Variants in LRRC26 observed in about 807,000 individuals in gnomAD.
The protein encoded by LRRC26 is leucine rich repeat containing 26.
Under a neutral mutation model 15.3 loss-of-function variants are expected in LRRC26, and 17 were observed. The observed-to-expected ratio is 1.11, with a 90% CI of 0.76 to 1.66. LRRC26 has a LOEUF of 1.66. Ranked by LOEUF, LRRC26 falls within the 40% of genes most tolerant of loss-of-function variation. LRRC26 has a pLI of 0.00. For synonymous variants in LRRC26, 301 were observed against 272.1 expected, an observed-to-expected ratio of 1.11 and a Z score of -1.05; for missense variants, 573 against 501.0, an observed-to-expected ratio of 1.14 and a Z score of -1.37.
chr9:137,170,018 C>T lies in LRRC26; in HGVS notation c.-75G>A, dbSNP rs1048624859. On this transcript the variant is annotated 5_prime_UTR_variant, in exon 1 of 2. Transcript: ENST00000371542. ...GTGCGTCCCTGGAGCCCGTCGTCCG[C>T]GGAGCCCGTTCCTGCGGCGCCTGCA... 7.4e-7 allele frequency: 1 copy of T among 1,352,040 alleles called. No individual in the cohort carries two copies. The highest frequency in any genetic ancestry group is 9.4e-7 in the Non-Finnish European group (1 of 1,058,732). 83.8% of individuals were successfully genotyped at this position (1,352,040 alleles called of 1,614,324 possible). A position where few individuals can be genotyped will look rare whatever the true frequency, so the allele number is the denominator to read the frequency against.
chr9:137,169,910 G>A lies in LRRC26; in HGVS notation c.34C>T (p.Leu12=), dbSNP rs1426799937. 3 of 1,473,368 alleles carry A rather than the reference G, an allele frequency of 2.0e-6. No homozygotes were observed. Among genetic ancestry groups the A allele is most frequent in the Non-Finnish European group, 2.7e-6 (3 of 1,121,964 alleles). The allele number at this position is 1,473,368 out of a possible 1,614,324, so 91.3% of individuals were successfully genotyped here. ...GACAGCAGCAGCAACAGCAGCAGCA[G>A]CGGCCGAGGCCGCGACCAGGAAGGG... The part of the protein sequence containing the change: ...RGPSWSRPRP[L]LLLLLLLSPW... Residue 12 remains leucine (L), a synonymous_variant, in exon 1 of 2, where the codon CTG becomes TTG. Coordinates refer to ENST00000371542, the MANE Select transcript of LRRC26 (RefSeq NM_001013653.3).
Position 137,169,914 on chromosome 9 carries a change from C to T in LRRC26, c.30G>A (p.Arg10=). Residue 10 remains arginine, a synonymous_variant, in exon 1 of 2, where the codon CGG becomes CGA. Coordinates refer to ENST00000371542, the MANE Select transcript of LRRC26 (RefSeq NM_001013653.3). ...GCAGCAGCAACAGCAGCAGCAGCGG[C>T]CGAGGCCGCGACCAGGAAGGGCCCC... MRGPSWSRP[R]PLLLLLLLLS... 1 of 1,471,204 alleles carries T rather than the reference C, an allele frequency of 6.8e-7. No homozygotes were observed. Among genetic ancestry groups the T allele is most frequent in the Middle Eastern group, 2.3e-4 (1 of 4,410 alleles). 91.1% of individuals were successfully genotyped at this position (1,471,204 alleles called of 1,614,324 possible).
chr9:137,169,505 TGCGCAGCGC>T lies in LRRC26; in HGVS notation c.430_438del (p.Ala144_Arg146del), dbSNP rs771271756. 7.9e-6 allele frequency: 12 copies of T among 1,524,648 alleles called. No homozygotes were observed. The East Asian group carries it at 1.0e-4, about 13-fold the overall frequency. 94.4% of individuals were successfully genotyped at this position (1,524,648 alleles called of 1,614,324 possible). A position where few individuals can be genotyped will look rare whatever the true frequency, so the allele number is the denominator to read the frequency against. ...AGCCGGTTGCCGGCCAATGAGAGGT[TGCGCAGCGC>T]GCGCAGCGGCGCGAAAGTCCCTGGT... On this transcript the variant is annotated inframe_deletion, in exon 1 of 2. Transcript: ENST00000371542.
chr9:137,169,198 G>A lies in LRRC26; in HGVS notation c.674-13C>T. Reference sequence around the variant, plus strand: ...ACCGTCTCGGCCTCTGTGGGACACAGACAAAGGCGCGGCGTCAGGTGGCGG... The same window carrying A: ...ACCGTCTCGGCCTCTGTGGGACACAAACAAAGGCGCGGCGTCAGGTGGCGG... On this transcript the variant is annotated splice_polypyrimidine_tract_variant and intron_variant, in intron 1 of 1. Transcript: ENST00000371542. The A allele has an allele frequency of 7.0e-7, 1 of 1,431,364 alleles. No homozygotes were observed. Among genetic ancestry groups the A allele is most frequent in the Non-Finnish European group, 9.1e-7 (1 of 1,098,060 alleles). The allele number at this position is 1,431,364 out of a possible 1,614,324, so 88.7% of individuals were successfully genotyped here.
chr9:137,168,822 A>G lies in LRRC26; in HGVS notation c.*32T>C. ...TAAAGGGAGGGCAAAGGCATGGGGG[A>G]AGCTTCGAGCGCTCCAGGCGGCCGC... On this transcript the variant is annotated 3_prime_UTR_variant, in exon 2 of 2. Coordinates refer to ENST00000371542, the MANE Select transcript of LRRC26 (RefSeq NM_001013653.3). 8.1e-7 allele frequency: 1 copy of G among 1,227,452 alleles called. No homozygotes were observed. Among genetic ancestry groups the G allele is most frequent in the Non-Finnish European group, 1.0e-6 (1 of 985,548 alleles). 76.0% of individuals were successfully genotyped at this position (1,227,452 alleles called of 1,614,324 possible). A position where few individuals can be genotyped will look rare whatever the true frequency, so the allele number is the denominator to read the frequency against.
rs1461331059 is a variant in LRRC26 at position 137,169,012 on chromosome 9, GC to G, written c.846del (p.Leu283TrpfsTer?). On this transcript the variant is annotated frameshift_variant, in exon 2 of 2. Coordinates refer to ENST00000371542, the MANE Select transcript of LRRC26 (RefSeq NM_001013653.3). LOFTEE classifies it low-confidence loss of function (END_TRUNC). ...CGGCAGGCGGTGAGCCCAGAGCCCA[GC>G]GCCAGGCAGGAAGCCAGGCTGACGA... is the stretch of plus-strand genomic sequence containing the variant. ...SFLVSLASCL[A>X]LGSGLTACRA... 1 of 1,504,140 alleles carries G rather than the reference GC, an allele frequency of 6.6e-7. No individual in the cohort carries two copies. 93.2% of individuals were successfully genotyped at this position (1,504,140 alleles called of 1,614,324 possible).
rs748922894 is a variant in LRRC26, at chr9:137,169,442, G to A, written c.502C>T (p.Leu168=). The A allele has an allele frequency of 5.9e-6, 9 of 1,515,678 alleles. No homozygotes were observed. In the Admixed American group the frequency reaches 8.1e-5, roughly 14 times the overall value. 93.9% of individuals were successfully genotyped at this position (1,515,678 alleles called of 1,614,324 possible). ...TCCTGCAGGCTGAGTGAGCGCAGCA[G>A]CGGGAGCGCGCCTAGCGCCGCGGGC... ...LEPAALGALP[L]LRSLSLQDNE... Residue 168 remains leucine, a synonymous_variant, in exon 1 of 2, where the codon CTG becomes TTG. Transcript: ENST00000371542.
At position 137,169,572 on chromosome 9, in the gene LRRC26, C is replaced by G; in HGVS notation, c.372G>C (p.Leu124=). The change falls in exon 1 of 2, where the codon CTG becomes CTC. Residue 124 remains leucine (L), a synonymous_variant. Coordinates refer to ENST00000371542, the MANE Select transcript of LRRC26 (RefSeq NM_001013653.3). ...AFWGLGALQL[L]DLSANQLEAL... ...CTTCCAGCTGGTTGGCGCTCAGGTC[C>G]AGCAGCTGCAGCGCGCCCAGGCCCC... is the stretch of plus-strand genomic sequence containing the variant. 2 of 1,523,146 alleles carry G rather than the reference C, an allele frequency of 1.3e-6. No homozygotes were observed. The highest frequency in any genetic ancestry group is 1.8e-6 in the Non-Finnish European group (2 of 1,141,500). 94.4% of individuals were successfully genotyped at this position (1,523,146 alleles called of 1,614,324 possible).
rs753381967 is a variant in LRRC26, at chr9:137,169,789, C to T, written c.155G>A (p.Gly52Glu). The T allele has an allele frequency of 6.5e-6, 9 of 1,390,824 alleles. No homozygotes were observed. The highest frequency in any genetic ancestry group is 7.4e-6 in the Non-Finnish European group (8 of 1,083,882). 86.2% of individuals were successfully genotyped at this position (1,390,824 alleles called of 1,614,324 possible). A position where few individuals can be genotyped will look rare whatever the true frequency, so the allele number is the denominator to read the frequency against. ...DCPEVCTCVPGGLASCSALSL... is the reference protein window; with the variant it reads ...DCPEVCTCVPEGLASCSALSL... ...GAGTGCCGAGCAGCTGGCCAGGCCT[C>T]CCGGCACGCACGTGCACACCTCGGG... Residue 52 changes from glycine (G) to glutamate (E), a missense_variant, in exon 1 of 2, where the codon GGA becomes GAA. Gly to Glu is a moderately conservative substitution (Grantham distance 98). Coordinates refer to ENST00000371542, the MANE Select transcript of LRRC26 (RefSeq NM_001013653.3).
At position 137,169,876 on chromosome 9, in the gene LRRC26, G is replaced by A. The variant is rs1351015369; in HGVS notation, c.68C>T (p.Pro23Leu). The A allele has an allele frequency of 6.7e-7, 1 of 1,482,132 alleles. No homozygotes were observed. The highest frequency in any genetic ancestry group is 8.9e-7 in the Non-Finnish European group (1 of 1,125,748). 91.8% of individuals were successfully genotyped at this position (1,482,132 alleles called of 1,614,324 possible). The change falls in exon 1 of 2, where the codon CCT becomes CTT. Residue 23 changes from proline to leucine, a missense_variant. Physicochemically the swap from Pro to Leu is moderately conservative, Grantham distance 98. Transcript: ENST00000371542. The stretch of plus-strand genomic sequence containing the variant: ...CGTGGCCGACACCTGGGCCCAGACA[G>A]GCCAAGGCGACAGCAGCAGCAACAG... ...LLLLLLLSPWPVWAQVSATAS... is the reference protein window; with the variant it reads ...LLLLLLLSPWLVWAQVSATAS...
In LRRC26 at chr9:137,169,030, G is replaced by C; in HGVS notation, c.829C>G (p.Leu277Val). ...GAGCCCAGCGCCAGGCAGGAAGCCAGGCTGACGAGGAAGGAGGCCGGCCCG... is the reference window on the plus strand; with the variant it reads ...GAGCCCAGCGCCAGGCAGGAAGCCACGCTGACGAGGAAGGAGGCCGGCCCG... ...TLGPASFLVS[L>V]ASCLALGSGL... Residue 277 changes from leucine (L) to valine (V), a missense_variant, in exon 2 of 2, where the codon CTG becomes GTG. Physicochemically the swap from Leu to Val is conservative, Grantham distance 32. Coordinates refer to ENST00000371542, the MANE Select transcript of LRRC26 (RefSeq NM_001013653.3). 1 of 1,525,084 alleles carries C rather than the reference G, an allele frequency of 6.6e-7. No individual in the cohort carries two copies. The highest frequency in any genetic ancestry group is 8.7e-7 in the Non-Finnish European group (1 of 1,143,214). The allele number at this position is 1,525,084 out of a possible 1,614,324, so 94.5% of individuals were successfully genotyped here. A position where few individuals can be genotyped will look rare whatever the true frequency, so the allele number is the denominator to read the frequency against.
rs867722799 is a variant in LRRC26 at position 137,169,054 on chromosome 9, C to T, written c.805G>A (p.Gly269Arg). The T allele has an allele frequency of 1.3e-6, 2 of 1,548,660 alleles. No homozygotes were observed. Among genetic ancestry groups the T allele is most frequent in the South Asian group, 2.4e-5 (2 of 83,754 alleles). The change falls in exon 2 of 2, where the codon GGG becomes AGG. Residue 269 changes from glycine to arginine, a missense_variant. Physicochemically the swap from Gly to Arg is moderately radical, Grantham distance 125. Transcript: ENST00000371542. ...LRDLAVVYTLGPASFLVSLAS... is the reference protein window; with the variant it reads ...LRDLAVVYTLRPASFLVSLAS... ...AGGCTGACGAGGAAGGAGGCCGGCC[C>T]GAGCGTGTAAACCACGGCCAGGTCC...
rs1588750062 is a variant in LRRC26, at chr9:137,169,827, G to A, written c.117C>T (p.Gly39=). The change falls in exon 1 of 2, where the codon GGC becomes GGT. Residue 39 remains glycine (G), a synonymous_variant. Coordinates refer to ENST00000371542, the MANE Select transcript of LRRC26 (RefSeq NM_001013653.3). ...TGCACACCTCGGGGCAGTCCGGGGCGCCCAGGGACCCCGAGGGCGAGGCCG... is the reference window on the plus strand; with the variant it reads ...TGCACACCTCGGGGCAGTCCGGGGCACCCAGGGACCCCGAGGGCGAGGCCG... ...SATASPSGSL[G]APDCPEVCTC... 1.4e-6 allele frequency: 2 copies of A among 1,440,848 alleles called. No homozygotes were observed. The highest frequency in any genetic ancestry group is 3.1e-5 in the Admixed American group (1 of 32,690). The allele number at this position is 1,440,848 out of a possible 1,614,324, so 89.3% of individuals were successfully genotyped here.
rs1172469779 is a variant in LRRC26, at chr9:137,168,802, G to A, written c.*52C>T. On this transcript the variant is annotated 3_prime_UTR_variant, in exon 2 of 2. Coordinates refer to ENST00000371542, the MANE Select transcript of LRRC26 (RefSeq NM_001013653.3). The stretch of plus-strand genomic sequence containing the variant: ...GTTGACGCCGGCAGACAGTGTAAAG[G>A]GAGGGCAAAGGCATGGGGGAAGCTT... The A allele has an allele frequency of 3.4e-6, 4 of 1,192,076 alleles. No homozygotes were observed. The highest frequency in any genetic ancestry group is 4.2e-6 in the Non-Finnish European group (4 of 955,320). The allele number at this position is 1,192,076 out of a possible 1,614,324, so 73.8% of individuals were successfully genotyped here.
At position 137,168,995 on chromosome 9, in the gene LRRC26, G is replaced by T. The variant is rs1375171656; in HGVS notation, c.864C>A (p.Thr288=). 5 of 1,465,326 alleles carry T rather than the reference G, an allele frequency of 3.4e-6. No homozygotes were observed. The highest frequency in any genetic ancestry group is 4.5e-6 in the Non-Finnish European group (5 of 1,113,874). 90.8% of individuals were successfully genotyped at this position (1,465,326 alleles called of 1,614,324 possible). A position where few individuals can be genotyped will look rare whatever the true frequency, so the allele number is the denominator to read the frequency against. Residue 288 remains threonine, a synonymous_variant, in exon 2 of 2, where the codon ACC becomes ACA. Transcript: ENST00000371542. ...GGCGGCGGCGGCGCGCACGGCAGGC[G>T]GTGAGCCCAGAGCCCAGCGCCAGGC... ...ASCLALGSGL[T]ACRARRRRLR...
In LRRC26 at chr9:137,169,379, G is replaced by A. The variant is rs767434101; in HGVS notation, c.565C>T (p.Arg189Cys). Reference sequence around the variant, plus strand: ...TGCAGCGCGTCTAGAGCGGGCAGGCGGCCCAGCAGCCCCGGCGCGAGTGCC... The same window carrying A: ...TGCAGCGCGTCTAGAGCGGGCAGGCAGCCCAGCAGCCCCGGCGCGAGTGCC... ...LAALAPGLLGRLPALDALHLR... is the reference protein window; with the variant it reads ...LAALAPGLLGCLPALDALHLR... Residue 189 changes from arginine (R) to cysteine (C), a missense_variant, in exon 1 of 2, where the codon CGC becomes TGC. Physicochemically the swap from Arg to Cys is radical, Grantham distance 180. Coordinates refer to ENST00000371542, the MANE Select transcript of LRRC26 (RefSeq NM_001013653.3). 2 of 1,487,840 alleles carry A rather than the reference G, an allele frequency of 1.3e-6. No individual in the cohort carries two copies. Among genetic ancestry groups the A allele is most frequent in the Admixed American group, 2.3e-5 (1 of 43,526 alleles). The allele number at this position is 1,487,840 out of a possible 1,614,324, so 92.2% of individuals were successfully genotyped here. A position where few individuals can be genotyped will look rare whatever the true frequency, so the allele number is the denominator to read the frequency against.
Position 137,169,075 on chromosome 9 carries a change from G to T in LRRC26, c.784C>A (p.Leu262Met), listed in dbSNP as rs762408823. The T allele has an allele frequency of 1.0e-5, 16 of 1,557,812 alleles. 1 individual carries two copies. In the South Asian group the frequency reaches 1.9e-4, roughly 18 times the overall value. Reference protein sequence around the residue: ...HCAQPLALRDLAVVYTLGPAS... With the variant: ...HCAQPLALRDMAVVYTLGPAS... Reference sequence around the variant, plus strand: ...GGCCCGAGCGTGTAAACCACGGCCAGGTCCCGCAGGGCGAGCGGCTGCGCG... The same window carrying T: ...GGCCCGAGCGTGTAAACCACGGCCATGTCCCGCAGGGCGAGCGGCTGCGCG... The change falls in exon 2 of 2, where the codon CTG becomes ATG. Residue 262 changes from leucine (L) to methionine (M), a missense_variant. Coordinates refer to ENST00000371542, the MANE Select transcript of LRRC26 (RefSeq NM_001013653.3).
chr9:137,169,743 CG>C lies in LRRC26; in HGVS notation c.200del (p.Pro67ArgfsTer3), dbSNP rs1221684962. 2.8e-6 allele frequency: 4 copies of C among 1,415,080 alleles called. No homozygotes were observed. The highest frequency in any genetic ancestry group is 1.5e-5 in the South Asian group (1 of 65,760). The allele number at this position is 1,415,080 out of a possible 1,614,324, so 87.7% of individuals were successfully genotyped here. On this transcript the variant is annotated frameshift_variant, in exon 1 of 2. Coordinates refer to ENST00000371542, the MANE Select transcript of LRRC26 (RefSeq NM_001013653.3). LOFTEE classifies it high-confidence loss of function. ...GCGCGCGCAGGCGCAGGCTCAGGCCCGGGGGCACGGCGGGCAGCGAGAGTGC... is the reference window on the plus strand; with the variant it reads ...GCGCGCGCAGGCGCAGGCTCAGGCCCGGGGCACGGCGGGCAGCGAGAGTGC... ...CSALSLPAVP[P>X]GLSLRLRALL...
Position 137,168,954 on chromosome 9 carries a change from A to T in LRRC26, c.905T>A (p.Leu302His). ...CGGGTCTGGCGGTCTCGGCGGGCGG[A>T]GGGCGGCGGTGCGGAGGCGGCGGCG... ...ARRRRLRTAA[L>H]RPPRPPDPNP... Residue 302 changes from leucine to histidine, a missense_variant, in exon 2 of 2, where the codon CTC becomes CAC. Leu to His is a moderately conservative substitution (Grantham distance 99). Transcript: ENST00000371542. The T allele has an allele frequency of 1.4e-6, 2 of 1,387,772 alleles. No individual in the cohort carries two copies. Among genetic ancestry groups the T allele is most frequent in the Non-Finnish European group, 9.3e-7 (1 of 1,078,528 alleles). 86.0% of individuals were successfully genotyped at this position (1,387,772 alleles called of 1,614,324 possible). A position where few individuals can be genotyped will look rare whatever the true frequency, so the allele number is the denominator to read the frequency against.
Sources: gnomAD v4.1 joint callset for allele counts on GRCh38, gnomAD v4.1.1 for gene constraint, MANE v1.5 for transcripts, NCBI Gene and HGNC (gene_info 2026-07-23, HGNC 2026-07-21) for gene names.